Variants in GPBP1 observed in about 807,000 individuals in gnomAD.
The protein encoded by GPBP1 is GC-rich promoter binding protein 1.
Under a neutral mutation model 56.5 loss-of-function variants are expected in GPBP1, and 13 were observed. The ratio of observed to expected loss-of-function variants is 0.23; its 90% CI spans 0.15 to 0.37. GPBP1 has a LOEUF of 0.37. Among genes scored for constraint, GPBP1 ranks in the 10% least tolerant of loss-of-function variants. GPBP1 has a pLI of 1.00. For missense variants in GPBP1, 477 were observed against 572.3 expected (o/e 0.83, Z 1.70); for synonymous variants, 204 against 188.9 (o/e 1.08, Z -0.66).
chr5:57,196,826 G>A (rs1378538899), intron 2 of GPBP1, among the ~76,000 whole-genome samples: 1 of 152,030 alleles, frequency 6.6e-6, no homozygotes, highest in Non-Finnish European at 1.5e-5. Flanking sequence ...GTGTTGCCCA[G>A]GCTGGAGTTC....
chr5:57,256,479 T>C lies in GPBP1; in HGVS notation c.1161-4701T>C, dbSNP rs1479881115. On this transcript the variant is annotated intron_variant, in intron 10 of 11. Transcript: ENST00000506184. The stretch of plus-strand genomic sequence containing the variant: ...CTTTTCTTTTATATTTAGGTTACTT[T>C]AAAAGTTTTAACCAAGTTTTTTTCC... 2.0e-5 allele frequency among the ~76,000 whole-genome samples: 3 copies of C among 151,076 alleles called. No individual in the cohort carries two copies. In the Admixed American group the frequency reaches 2.0e-4, roughly 10 times the overall value.
chr5:57,186,263 C>T (rs1754281139), intron 2 of GPBP1, among the ~76,000 whole-genome samples: 1 of 151,888 alleles, frequency 6.6e-6, no homozygotes, highest in African/African-American at 2.4e-5. Flanking sequence ...GGCATGGTGG[C>T]ATACCTCAGC....
intron 10 of GPBP1, among the ~76,000 whole-genome samples, chr5:57,256,311 AG>A (rs993578572): frequency 6.6e-6 from 1 of 151,826 alleles, no homozygotes; most frequent in East Asian, 1.9e-4. Context: ...CTCTAGAGGG[AG>A]GGGGAAAAAA....
chr5:57,207,521 C>G (rs1755281859), intron 2 of GPBP1, among the ~76,000 whole-genome samples: 1 of 152,146 alleles, frequency 6.6e-6, no homozygotes, highest in Non-Finnish European at 1.5e-5. Context: ...TCCTGAAGCC[C>G]CAGTGGGCAT....
At chr5:57,187,080 A>G (rs1437395430) in intron 2 of GPBP1, among the ~76,000 whole-genome samples, 1 of 151,770 alleles carries the variant, frequency 6.6e-6, no homozygotes, top group Non-Finnish European at 1.5e-5. Flanking sequence ...ATGGAATGCT[A>G]GTCCATAAAT....
chr5:57,258,010 C>T (rs1471537880), intron 10 of GPBP1, among the ~76,000 whole-genome samples: 1 of 152,096 alleles, frequency 6.6e-6, no homozygotes, highest in East Asian at 1.9e-4. Context: ...GGAACTGTGA[C>T]CCAGGTCTTC....
At chr5:57,191,548 T>C (rs1754524076) in intron 2 of GPBP1, among the ~76,000 whole-genome samples, 1 of 132,964 alleles carries the variant, frequency 7.5e-6, no homozygotes, top group African/African-American at 2.9e-5. Flanking sequence ...CAAAATACAT[T>C]TATCTTTAGG....
chr5:57,251,490 T>C (rs1029055087), intron 10 of GPBP1, among the ~76,000 whole-genome samples: 1 of 152,180 alleles, frequency 6.6e-6, no homozygotes, highest in Admixed American at 6.5e-5. Flanking sequence ...GTCAGTACTT[T>C]GTTCCTTTTT....
intron 3 of GPBP1, among the ~76,000 whole-genome samples, chr5:57,224,948 C>T (rs1030308134): frequency 6.6e-6 from 1 of 151,526 alleles, no homozygotes; most frequent in Admixed American, 6.6e-5. Flanking sequence ...CCATTGAGAA[C>T]GAAGGTAGGG....
intron 3 of GPBP1, among the ~76,000 whole-genome samples, chr5:57,222,318 C>T (rs1423308788): frequency 6.6e-6 from 1 of 152,088 alleles, no homozygotes; most frequent in African/African-American, 2.4e-5. Context: ...GGGAACTCAG[C>T]TTGAGAGATT....
chr5:57,201,100 A>G (rs974643842), intron 2 of GPBP1, among the ~76,000 whole-genome samples: 2 of 152,212 alleles, frequency 1.3e-5, no homozygotes, highest in Admixed American at 1.3e-4. Context: ...CTGGGATTAC[A>G]GGCATGAGCC....
chr5:57,238,572 A>G (rs1056651447), intron 6 of GPBP1, among the ~76,000 whole-genome samples: 2 of 152,148 alleles, frequency 1.3e-5, no homozygotes, highest in African/African-American at 4.8e-5. Context: ...AAATAAATAA[A>G]TAAATAAATA....
At chr5:57,222,527 C>T (rs1477908948) in intron 3 of GPBP1, among the ~76,000 whole-genome samples, 1 of 151,610 alleles carries the variant, frequency 6.6e-6, no homozygotes, top group Admixed American at 6.6e-5. Flanking sequence ...CTGTTTTTTC[C>T]CTTTTTTTCA....
At chr5:57,179,583 G>A (rs908764563) in intron 2 of GPBP1, among the ~76,000 whole-genome samples, 2 of 152,092 alleles carry the variant, frequency 1.3e-5, no homozygotes, top group South Asian at 2.1e-4. Context: ...GTTTTACCTT[G>A]TCTTTTTTTT....
At chr5:57,223,378 G>A (rs62355731) in intron 3 of GPBP1, among the ~76,000 whole-genome samples, 6 of 151,954 alleles carry the variant, frequency 3.9e-5, no homozygotes, top group Non-Finnish European at 5.9e-5. Context: ...ATGAGCCACC[G>A]TGCCCGGCCT....
In GPBP1 at chr5:57,249,585, ATT is replaced by A. The variant is rs755361310; in HGVS notation, c.972+11_972+12del. ...GTGCTGGCTCAGAGAAGGTAATTGA[ATT>A]TATAGCAATACTTGATTTGACATTG... On this transcript the variant is annotated intron_variant, in intron 9 of 11. Transcript: ENST00000506184. 6.3e-6 allele frequency: 10 copies of A among 1,590,942 alleles called. No homozygotes were observed. Among genetic ancestry groups the A allele is most frequent in the African/African-American group, 1.4e-5 (1 of 73,858 alleles).
intron 6 of GPBP1, among the ~76,000 whole-genome samples, chr5:57,236,351 G>A (rs1322281141): frequency 6.6e-6 from 1 of 152,112 alleles, no homozygotes; most frequent in African/African-American, 2.4e-5. Flanking sequence ...GAAACAAACT[G>A]AGTTTAAATT....
chr5:57,261,127 C>A, intron 10 of GPBP1, 53 bp from the exon 11 acceptor site: 2 of 1,071,170 alleles, frequency 1.9e-6, no homozygotes, highest in Non-Finnish European at 2.9e-6. Flanking sequence ...GTAAATGATA[C>A]TGTCCTACTC....
chr5:57,246,344 A>T lies in GPBP1; in HGVS notation c.523A>T (p.Ile175Phe). ...PKSRAPRMLV[I>F]KKGNTKDLQL... ...ATCTAGAGCTCCAAGGATGCTGGTCATTAAGAAAGGTAATACAAAAGACTT... is the reference window on the plus strand; with the variant it reads ...ATCTAGAGCTCCAAGGATGCTGGTCTTTAAGAAAGGTAATACAAAAGACTT... Residue 175 changes from isoleucine to phenylalanine, a missense_variant, in exon 7 of 12, where the codon ATT (isoleucine) becomes TTT (phenylalanine). Ile to Phe is a conservative substitution (Grantham distance 21). Coordinates refer to ENST00000506184, the MANE Select transcript of GPBP1 (RefSeq NM_022913.4). The T allele has an allele frequency of 6.2e-7, 1 of 1,613,874 alleles. No homozygotes were observed. The highest frequency in any genetic ancestry group is 8.5e-7 in the Non-Finnish European group (1 of 1,179,818).
Sources: allele counts gnomAD v4.1 joint callset (sites outside exome capture counted in the v4.1 genomes callset), GRCh38; gene constraint gnomAD v4.1.1; transcripts MANE v1.5; gene names NCBI Gene and HGNC (gene_info 2026-07-23, HGNC 2026-07-21).